The following DCP2 variants were observed in gnomAD, a reference collection of about 807,000 sequenced individuals.
The protein encoded by DCP2 is decapping mRNA 2.
In DCP2, 30 loss-of-function variants were observed where a neutral mutation model predicts 56.1. The ratio of observed to expected loss-of-function variants is 0.53; its 90% confidence interval spans 0.40 to 0.73. The LOEUF (loss-of-function observed/expected upper bound fraction) is 0.73. Ranked by LOEUF, DCP2 falls within the 30% of genes least tolerant of loss-of-function variation. The probability of loss-of-function intolerance (pLI) is 0.00; values close to 1 mark genes in which losing one functional copy is unlikely to be tolerated. For synonymous variants in DCP2, 197 were observed against 163.3 expected (o/e 1.21, Z -1.57); for missense variants, 533 against 502.7 (o/e 1.06, Z -0.58).
intron 2 of DCP2, 118 bp from the exon 3 acceptor site, chr5:112,992,003 A>G: frequency 1.4e-6 from 2 of 1,432,442 alleles, no homozygotes; most frequent in Admixed American, 2.2e-5. Context: ...CACTTAAATG[A>G]GGGAAGATTT....
rs977170332 is a variant in DCP2 at position 112,988,446 on chromosome 5, C to G, written c.205+2460C>G. On this transcript the variant is annotated intron_variant, in intron 2 of 10. Transcript: ENST00000389063. ...GGCAGAGCTTGCAGTGAGCCGAGTT[C>G]GCGCCACTGCACTCCAGCCTGGGTG... 1.8e-4 allele frequency among the ~76,000 whole-genome samples: 26 copies of G among 146,196 alleles called. No individual in the cohort carries two copies. In the Admixed American group the frequency reaches 1.8e-3, roughly 10 times the overall value.
Position 113,020,815 on chromosome 5 carries a change from G to T in DCP2, c.*7331G>T, listed in dbSNP as rs1750085922. On this transcript the variant is annotated 3_prime_UTR_variant, in exon 11 of 11. Coordinates refer to ENST00000389063, the MANE Select transcript of DCP2 (RefSeq NM_152624.6). ...GAAAGCTTTTTGATGTAAATAATAGGTTAGAAACTAAAAGCCTTTTAATCT... is the reference window on the plus strand; with the variant it reads ...GAAAGCTTTTTGATGTAAATAATAGTTTAGAAACTAAAAGCCTTTTAATCT... The T allele has an allele frequency of 6.6e-6, 1 of 152,098 alleles. No homozygotes were observed. The highest frequency in any genetic ancestry group is 1.5e-5 in the Non-Finnish European group (1 of 68,024). The allele number at this position is 152,098 out of a possible 1,614,324, so 9.4% of individuals were successfully genotyped here.
intron 1 of DCP2, among the ~76,000 whole-genome samples, chr5:112,983,376 A>G (rs1488088513): frequency 6.6e-6 from 1 of 152,212 alleles, no homozygotes; most frequent in Non-Finnish European, 1.5e-5. Flanking sequence ...GGAAAAATGA[A>G]AAGCAAAATT....
chr5:112,992,582 C>A lies in DCP2; in HGVS notation c.334-90C>A, dbSNP rs966477460. ...GTAAAATTATTGGCGATAACAGTTACCTCAAGTAAGGAGAAAAATGCCTTT... is the reference window on the plus strand; with the variant it reads ...GTAAAATTATTGGCGATAACAGTTAACTCAAGTAAGGAGAAAAATGCCTTT... On this transcript the variant is annotated intron_variant, in intron 3 of 10. Transcript: ENST00000389063. 7 of 939,402 alleles carry A rather than the reference C, an allele frequency of 7.5e-6. No individual in the cohort carries two copies. The African/African-American group carries it at 8.7e-5, about 12-fold the overall frequency. The allele number at this position is 939,402 out of a possible 1,614,324, so 58.2% of individuals were successfully genotyped here.
chr5:113,005,498 C>G (rs1459451573), intron 8 of DCP2, among the ~76,000 whole-genome samples: 1 of 152,070 alleles, frequency 6.6e-6, no homozygotes, highest in African/African-American at 2.4e-5. Flanking sequence ...AACAAAAAAA[C>G]AGAAAACAAG....
In DCP2 at chr5:112,992,635, A is replaced by T. The variant is rs1401733922; in HGVS notation, c.334-37A>T. ...TTTTTAGAAAGGAGCATGGAAAAGG[A>T]GGGCAAGTTTGATTTTTACTTCTGC... On this transcript the variant is annotated intron_variant, in intron 3 of 10. Coordinates refer to ENST00000389063, the MANE Select transcript of DCP2 (RefSeq NM_152624.6). The T allele has an allele frequency of 2.8e-6, 4 of 1,431,204 alleles. No homozygotes were observed. The African/African-American group carries it at 5.8e-5, about 21-fold the overall frequency. 88.7% of individuals were successfully genotyped at this position (1,431,204 alleles called of 1,614,324 possible).
chr5:112,978,378 T>G (rs1747828398), intron 1 of DCP2, among the ~76,000 whole-genome samples: 2 of 152,218 alleles, frequency 1.3e-5, no homozygotes, highest in Non-Finnish European at 2.9e-5. Flanking sequence ...TCCATTTTCA[T>G]CTGCGCAAAC....
Position 112,985,907 on chromosome 5 carries a change from C to G in DCP2, c.126C>G (p.Ala42=). The G allele has an allele frequency of 6.2e-7, 1 of 1,609,766 alleles. No individual in the cohort carries two copies. Among genetic ancestry groups the G allele is most frequent in the Admixed American group, 1.7e-5 (1 of 59,978 alleles). The change falls in exon 2 of 11, where the codon GCC becomes GCG. Residue 42 remains alanine (A), a synonymous_variant. Transcript: ENST00000389063. ...GAGTGTGTTTTCAGATTGAACTTGC[C>G]CATTGGTTTTACTTGGATTTCTACA... ...AIRVCFQIEL[A]HWFYLDFYMQ...
At chr5:112,987,705 G>C (rs13164167) in intron 2 of DCP2, among the ~76,000 whole-genome samples, 85,308 of 147,394 alleles carry the variant, frequency 0.58, 25,950 homozygotes, top group African/African-American at 0.8. Flanking sequence ...AACTCCTGCC[G>C]TCAAGTGATC....
At chr5:112,998,274 ATTCCTGGCTATCTAAACAGAAGGCCTT>A in intron 4 of DCP2, among the ~76,000 whole-genome samples, 1 of 152,288 alleles carries the variant, frequency 6.6e-6, no homozygotes, top group Non-Finnish European at 1.5e-5. Flanking sequence ...AGCTGTAGCC[ATTCCTGGCTATCTAAACAGAAGGCCTT>A]TTTTCTTCTT....
At position 113,001,547 on chromosome 5, in the gene DCP2, A is replaced by G. The variant is rs573813285; in HGVS notation, c.699-20A>G. The G allele has an allele frequency of 3.7e-6, 6 of 1,612,474 alleles. No homozygotes were observed. The East Asian group carries it at 1.3e-4, about 36-fold the overall frequency. On this transcript the variant is annotated intron_variant, in intron 6 of 10. Transcript: ENST00000389063. ...TGTCTGTAGCCATATTTTGAAAGTGAATTCTTAATGTTTCTGCAGACCATT... is the reference window on the plus strand; with the variant it reads ...TGTCTGTAGCCATATTTTGAAAGTGGATTCTTAATGTTTCTGCAGACCATT...
intron 1 of DCP2, among the ~76,000 whole-genome samples, chr5:112,981,461 A>G (rs903785598): frequency 4.6e-5 from 7 of 152,114 alleles, no homozygotes; most frequent in Non-Finnish European, 7.4e-5. Flanking sequence ...ATTAGGGTTG[A>G]TAATATTTAT....
chr5:112,985,751 G>A, intron 1 of DCP2, 84 bp from the exon 2 acceptor site: 2 of 1,484,330 alleles, frequency 1.3e-6, no homozygotes. Context: ...CAGTTGGTGG[G>A]TCAGGTATGA....
At chr5:112,987,620 C>CTTTTTTTTTTTTTTTTGTTTTT (rs1748357492) in intron 2 of DCP2, among the ~76,000 whole-genome samples, 1 of 69,736 alleles carries the variant, frequency 1.4e-5, no homozygotes, top group East Asian at 4.0e-4. Context: ...ACCTAGGTGC[C>CTTTTTTTTTTTTTTTTGTTTTT]TTTTTTTTTT....
intron 9 of DCP2, among the ~76,000 whole-genome samples, chr5:113,010,374 G>A (rs1296224444): frequency 1.3e-5 from 2 of 151,930 alleles, no homozygotes; most frequent in Admixed American, 6.6e-5. Context: ...AGCCCTGGCT[G>A]ATTTTTATGT....
intron 10 of DCP2, among the ~76,000 whole-genome samples, chr5:113,012,179 A>G (rs1749703274): frequency 6.6e-6 from 1 of 152,168 alleles, no homozygotes; most frequent in Admixed American, 6.5e-5. Flanking sequence ...TGGGCAACAT[A>G]GCAAGACTCT....
chr5:113,001,735 T>C, intron 7 of DCP2, 61 bp downstream of exon 7: 1 of 1,481,962 alleles, frequency 6.7e-7, no homozygotes, highest in East Asian at 2.3e-5. Flanking sequence ...GGAATAATAG[T>C]ATTTTGCTTC....
rs1044268249 is a variant in DCP2 at position 113,015,868 on chromosome 5, A to G, written c.*2384A>G. ...GATTTCTCCTTTGAGAAATTTTAGT[A>G]TGGTTTGAGGAAATCAAGTGATAAA... On this transcript the variant is annotated 3_prime_UTR_variant, in exon 11 of 11. Coordinates refer to ENST00000389063, the MANE Select transcript of DCP2 (RefSeq NM_152624.6). 2.0e-5 allele frequency: 3 copies of G among 152,650 alleles called. No individual in the cohort carries two copies. Among genetic ancestry groups the G allele is most frequent in the African/African-American group, 7.2e-5 (3 of 41,480 alleles). 9.5% of individuals were successfully genotyped at this position (152,650 alleles called of 1,614,324 possible). A position where few individuals can be genotyped will look rare whatever the true frequency, so the allele number is the denominator to read the frequency against.
chr5:112,994,399 T>C (rs1162254530), intron 4 of DCP2, among the ~76,000 whole-genome samples: 1 of 151,986 alleles, frequency 6.6e-6, no homozygotes, highest in Non-Finnish European at 1.5e-5. Flanking sequence ...CTTGAACTTC[T>C]AGGCTTAAGT....
Sources: gnomAD v4.1 joint callset for allele counts (sites outside exome capture counted in the v4.1 genomes callset) on GRCh38, gnomAD v4.1.1 for gene constraint, MANE v1.5 for transcripts, NCBI Gene and HGNC (gene_info 2026-07-23, HGNC 2026-07-21) for gene names.